ATP2B4: variants seen among roughly 807,000 people sequenced by gnomAD.
The protein encoded by ATP2B4 is plasma membrane calcium-transporting ATPase 4.
ATP2B4 carries 39 observed loss-of-function variants against 110.3 expected under a neutral mutation model. The observed-to-expected ratio is 0.35, with a 90% CI of 0.27 to 0.46. The LOEUF (loss-of-function observed/expected upper bound fraction) is 0.46, where lower values mean the gene tolerates loss of function less well. Among genes scored for constraint, ATP2B4 ranks in the 20% least tolerant of loss-of-function variants. The pLI is 1.00. For synonymous variants in ATP2B4, 538 were observed against 571.7 expected, an observed-to-expected ratio of 0.94 and a Z score of 0.84; for missense variants, 1,135 against 1,530.9, an observed-to-expected ratio of 0.74 and a Z score of 4.32.
rs574661850 is a variant in ATP2B4, at chr1:203,727,382, C to A, written c.3133-13C>A. On this transcript the variant is annotated splice_polypyrimidine_tract_variant and intron_variant, in intron 19 of 20. Coordinates refer to ENST00000357681, the MANE Select transcript of ATP2B4 (RefSeq NM_001684.5). ...GATTCTGACGTCTTCCTCTTCGCTG[C>A]GCTTGTTTTCAGTTCATCTCCGCAA... 6.2e-7 allele frequency: 1 copy of A among 1,613,350 alleles called. No homozygotes were observed. Among genetic ancestry groups the A allele is most frequent in the African/African-American group, 1.3e-5 (1 of 74,884 alleles).
intron 1 of ATP2B4, among the ~76,000 whole-genome samples, chr1:203,656,065 T>G (rs1367096945): frequency 3.5e-5 from 1 of 28,868 alleles, no homozygotes; most frequent in African/African-American, 4.8e-5. Flanking sequence ...CACGCCCAGC[T>G]ATTTTTTTTT....
chr1:203,634,401 A>G (rs1174543414), intron 1 of ATP2B4, among the ~76,000 whole-genome samples: 1 of 152,202 alleles, frequency 6.6e-6, no homozygotes, highest in African/African-American at 2.4e-5. Flanking sequence ...GTTGGAGTGC[A>G]GTGGCCCATA....
rs75381366 is a variant in ATP2B4, at chr1:203,736,963, C to A, written c.3310-2583C>A. On this transcript the variant is annotated intron_variant, in intron 20 of 20. Transcript: ENST00000357681. ...CAGCTGGTGCTCCCTAGCTCTCTGA[C>A]CCCTCTTCACGTGAGCTTCCTTACA... is the stretch of plus-strand genomic sequence containing the variant. 2.6e-5 allele frequency among the ~76,000 whole-genome samples: 4 copies of A among 152,344 alleles called. No individual in the cohort carries two copies. In the East Asian group the frequency reaches 5.8e-4, roughly 22 times the overall value.
intron 19 of ATP2B4, among the ~76,000 whole-genome samples, chr1:203,725,912 T>TTG (rs1235115219): frequency 7.0e-6 from 1 of 142,596 alleles, no homozygotes; most frequent in African/African-American, 2.6e-5. Flanking sequence ...TTCTTTTTTT[T>TTG]TTTTTTTTTT....
chr1:203,660,440 G>A (rs368324935), intron 1 of ATP2B4, among the ~76,000 whole-genome samples: 1 of 152,074 alleles, frequency 6.6e-6, no homozygotes, highest in East Asian at 1.9e-4. Context: ...TAAAAAATGA[G>A]GTCCCAGTTC....
intron 6 of ATP2B4, 32 bp downstream of exon 6, chr1:203,700,955 C>G: frequency 6.2e-7 from 1 of 1,601,558 alleles, no homozygotes; most frequent in Non-Finnish European, 8.5e-7. Context: ...ATTCTCTTTC[C>G]TCTCATCCCC....
chr1:203,703,996 C>T (rs1380355327), intron 8 of ATP2B4, among the ~76,000 whole-genome samples, 183 bp downstream of exon 8: 1 of 152,112 alleles, frequency 6.6e-6, no homozygotes, highest in African/African-American at 2.4e-5. Context: ...TAGGCTTTTT[C>T]AGAGAGAAAT....
intron 2 of ATP2B4, among the ~76,000 whole-genome samples, chr1:203,688,473 A>ATT (rs5780192): frequency 2.2e-4 from 33 of 149,136 alleles, no homozygotes; most frequent in East Asian, 5.9e-4. Context: ...TAATTTTTGT[A>ATT]TTTTTTTTTG....
chr1:203,705,693 A>G (rs1357084103), intron 8 of ATP2B4, among the ~76,000 whole-genome samples: 1 of 152,204 alleles, frequency 6.6e-6, no homozygotes, highest in Non-Finnish European at 1.5e-5. Flanking sequence ...CTGGGATTAT[A>G]GGCGTGAGCC....
chr1:203,686,085 C>G (rs1665171654), intron 2 of ATP2B4, among the ~76,000 whole-genome samples: 1 of 151,788 alleles, frequency 6.6e-6, no homozygotes, highest in Non-Finnish European at 1.5e-5. Context: ...TAATGGTAGT[C>G]CTTAATCATA....
At chr1:203,631,392 G>GT (rs1663260448) in intron 1 of ATP2B4, among the ~76,000 whole-genome samples, 1 of 152,222 alleles carries the variant, frequency 6.6e-6, no homozygotes, top group South Asian at 2.1e-4. Context: ...GGATTACTAA[G>GT]ACCCCCTTCC....
chr1:203,628,758 G>A (rs1350832951), intron 1 of ATP2B4, among the ~76,000 whole-genome samples: 1 of 152,204 alleles, frequency 6.6e-6, no homozygotes, highest in African/African-American at 2.4e-5. Flanking sequence ...GGCTGGGCCA[G>A]GCCCAGGAAA....
chr1:203,698,938 T>C (rs1665612415), intron 3 of ATP2B4, among the ~76,000 whole-genome samples: 1 of 152,046 alleles, frequency 6.6e-6, no homozygotes, highest in South Asian at 2.1e-4. Context: ...GCCTGGCCTA[T>C]TTAATAATTT....
At chr1:203,693,878 G>C (rs886281449) in intron 2 of ATP2B4, among the ~76,000 whole-genome samples, 1 of 152,162 alleles carries the variant, frequency 6.6e-6, no homozygotes, top group Non-Finnish European at 1.5e-5. Context: ...GCAAGTCCTA[G>C]GCAAACCAGG....
intron 15 of ATP2B4, among the ~76,000 whole-genome samples, chr1:203,719,726 A>ATAAATAAATAAATAAATAAG (rs1666266380): frequency 6.7e-6 from 1 of 150,154 alleles, no homozygotes; most frequent in East Asian, 1.9e-4. Context: ...AAAACTATAA[A>ATAAATAAATAAATAAATAAG]TAAATAAATA....
chr1:203,656,930 G>A, intron 1 of ATP2B4: 1 of 634,384 alleles, frequency 1.6e-6, no homozygotes, highest in East Asian at 2.8e-5. Context: ...TTTTTCAGTT[G>A]GTGTGTAGTC....
At chr1:203,701,064 G>A (rs566887322) in intron 6 of ATP2B4, 141 bp downstream of exon 6, 2 of 1,192,752 alleles carry the variant, frequency 1.7e-6, no homozygotes, top group East Asian at 2.8e-5. Flanking sequence ...TCCTTGCTGA[G>A]ATAAAGATGT....
At chr1:203,632,929 T>C (rs1232706117) in intron 1 of ATP2B4, among the ~76,000 whole-genome samples, 1 of 152,156 alleles carries the variant, frequency 6.6e-6, no homozygotes, top group African/African-American at 2.4e-5. Context: ...TTTTTGTATA[T>C]CTTGTGGGTC....
intron 20 of ATP2B4, among the ~76,000 whole-genome samples, chr1:203,732,046 G>A (rs536275940): frequency 5.5e-5 from 8 of 146,720 alleles, no homozygotes; most frequent in East Asian, 2.0e-4. Flanking sequence ...GCCTGGTGGC[G>A]GGTGCCTGTA....
Sources: gnomAD v4.1 joint callset for allele counts (sites outside exome capture counted in the v4.1 genomes callset) on GRCh38, gnomAD v4.1.1 for gene constraint, MANE v1.5 for transcripts, NCBI Gene and HGNC (gene_info 2026-07-23, HGNC 2026-07-21) for gene names.